TRPC4: variants seen among roughly 807,000 people sequenced by gnomAD.
TRPC4 encodes the protein transient receptor potential cation channel subfamily C member 4.
TRPC4 carries 49 observed loss-of-function variants against 99.4 expected under a neutral mutation model. The ratio of observed to expected loss-of-function variants is 0.49; its 90% confidence interval spans 0.39 to 0.63. TRPC4 has a LOEUF of 0.63. Ranked by LOEUF, TRPC4 falls within the 20% of genes least tolerant of loss-of-function variation. The pLI, the probability that TRPC4 is intolerant of heterozygous loss-of-function variation, is 0.00. For missense variants in TRPC4, 898 were observed against 1,152.9 expected, an observed-to-expected ratio of 0.78 and a Z score of 3.20; for synonymous variants, 454 against 425.9, an observed-to-expected ratio of 1.07 and a Z score of -0.81.
intron 7 of TRPC4, among the ~76,000 whole-genome samples, chr13:37,654,385 G>A (rs1210531556): frequency 6.6e-6 from 1 of 152,092 alleles, no homozygotes. Flanking sequence ...AGTGGTCCTA[G>A]ACGTATATCA....
chr13:37,663,890 A>C (rs1952542501), intron 5 of TRPC4, among the ~76,000 whole-genome samples, 161 bp from the exon 6 acceptor site: 1 of 152,256 alleles, frequency 6.6e-6, no homozygotes, highest in South Asian at 2.1e-4. Flanking sequence ...GAACACATGT[A>C]GGATACAAAT....
chr13:37,707,503 T>C (rs1954324380), intron 3 of TRPC4, among the ~76,000 whole-genome samples: 1 of 152,158 alleles, frequency 6.6e-6, no homozygotes, highest in Non-Finnish European at 1.5e-5. Context: ...AACAGAGTGT[T>C]TAGTAGTTAG....
chr13:37,759,789 G>C (rs1490361578), intron 2 of TRPC4, among the ~76,000 whole-genome samples: 1 of 151,934 alleles, frequency 6.6e-6, no homozygotes, highest in African/African-American at 2.4e-5. Flanking sequence ...AGAGTATGCA[G>C]TATTTATACA....
At chr13:37,784,600 A>G (rs1956925336) in intron 1 of TRPC4, among the ~76,000 whole-genome samples, 1 of 152,054 alleles carries the variant, frequency 6.6e-6, no homozygotes. Flanking sequence ...GCAAAATTAA[A>G]ATGAATAGGG....
intron 8 of TRPC4, among the ~76,000 whole-genome samples, chr13:37,641,636 G>A (rs1951715879): frequency 6.6e-6 from 1 of 152,140 alleles, no homozygotes; most frequent in African/African-American, 2.4e-5. Context: ...AGGCTGTTTA[G>A]TGATCACCAT....
At chr13:37,813,932 T>C (rs1957771686) in intron 1 of TRPC4, among the ~76,000 whole-genome samples, 1 of 151,720 alleles carries the variant, frequency 6.6e-6, no homozygotes, top group Non-Finnish European at 1.5e-5. Flanking sequence ...AAAAAAGTCC[T>C]AAGGATAATA....
chr13:37,822,253 C>T (rs879520673), intron 1 of TRPC4, among the ~76,000 whole-genome samples: 12 of 151,040 alleles, frequency 7.9e-5, no homozygotes, highest in Non-Finnish European at 1.2e-4. Context: ...AATGAGATAC[C>T]ATCTCAAATT....
intron 3 of TRPC4, among the ~76,000 whole-genome samples, chr13:37,734,678 G>T (rs1955342544): frequency 6.6e-6 from 1 of 152,072 alleles, no homozygotes; most frequent in African/African-American, 2.4e-5. Flanking sequence ...CAATTAATAA[G>T]ATAAAAAGAG....
chr13:37,752,334 G>A (rs563014383), intron 2 of TRPC4, among the ~76,000 whole-genome samples: 111 of 151,596 alleles, frequency 7.3e-4, no homozygotes, highest in Admixed American at 1.5e-3. Flanking sequence ...TTTCTACTTG[G>A]CAAAGTGCCT....
intron 3 of TRPC4, among the ~76,000 whole-genome samples, chr13:37,737,590 C>T (rs987751615): frequency 2.0e-5 from 3 of 152,246 alleles, no homozygotes; most frequent in African/African-American, 7.2e-5. Flanking sequence ...CCTCCCACCT[C>T]AGCTTCACAA....
intron 4 of TRPC4, among the ~76,000 whole-genome samples, chr13:37,686,357 T>C (rs912844226): frequency 2.0e-5 from 3 of 152,086 alleles, no homozygotes; most frequent in Admixed American, 2.0e-4. Context: ...TGTGTCTGTA[T>C]GTACCTATAT....
chr13:37,836,737 G>C (rs1253219388), intron 1 of TRPC4, among the ~76,000 whole-genome samples: 1 of 152,200 alleles, frequency 6.6e-6, no homozygotes, highest in Non-Finnish European at 1.5e-5. Context: ...TGTTAGAAAA[G>C]AAAATCCCAT....
At chr13:37,763,597 G>T (rs1315301170) in intron 2 of TRPC4, among the ~76,000 whole-genome samples, 1 of 151,624 alleles carries the variant, frequency 6.6e-6, no homozygotes. Flanking sequence ...ATGGTTATAT[G>T]CTTTCCTCAG....
chr13:37,821,556 C>A (rs965829496), intron 1 of TRPC4, among the ~76,000 whole-genome samples: 2 of 152,108 alleles, frequency 1.3e-5, no homozygotes, highest in African/African-American at 4.8e-5. Context: ...TGCTTGACTT[C>A]AAACTATACT....
chr13:37,749,803 T>C (rs1370315889), intron 2 of TRPC4, among the ~76,000 whole-genome samples: 1 of 152,150 alleles, frequency 6.6e-6, no homozygotes, highest in African/African-American at 2.4e-5. Flanking sequence ...TTATTTAATA[T>C]ATTGTGATTC....
At chr13:37,718,695 A>G (rs1007601812) in intron 3 of TRPC4, among the ~76,000 whole-genome samples, 1 of 152,176 alleles carries the variant, frequency 6.6e-6, no homozygotes, top group Non-Finnish European at 1.5e-5. Context: ...AGAGTAAGAC[A>G]AGCCAAACAC....
intron 1 of TRPC4, among the ~76,000 whole-genome samples, chr13:37,860,083 C>A (rs1959222211): frequency 6.6e-6 from 1 of 151,290 alleles, no homozygotes; most frequent in Non-Finnish European, 1.5e-5. Flanking sequence ...TTTCTGGTAA[C>A]TAGCAAACAC....
At chr13:37,817,944 C>A (rs4561325) in intron 1 of TRPC4, among the ~76,000 whole-genome samples, 4,892 of 151,932 alleles carry the variant, frequency 0.032, 268 homozygotes, top group African/African-American at 0.11. Context: ...TGGAAGACAA[C>A]CTAGGTAATA....
rs575423706 is a variant in TRPC4, at chr13:37,804,716, C to A, written c.-27-21356G>T. Among the ~76,000 whole-genome samples, 14 of 152,100 alleles carry A rather than the reference C, an allele frequency of 9.2e-5. 1 individual carries two copies. In the South Asian group the frequency reaches 2.1e-3, roughly 23 times the overall value. On this transcript the variant is annotated intron_variant, in intron 1 of 10. Coordinates refer to ENST00000379705, the MANE Select transcript of TRPC4 (RefSeq NM_016179.4). ...GTCAATAACAAATGCATACATAATT[C>A]TAACATGTACATAATGCGTTACTGT...
Sources: allele counts gnomAD v4.1 joint callset (sites outside exome capture counted in the v4.1 genomes callset), GRCh38; gene constraint gnomAD v4.1.1; transcripts MANE v1.5; gene names NCBI Gene and HGNC (gene_info 2026-07-23, HGNC 2026-07-21).